RBMS1: variants seen among roughly 807,000 people sequenced by gnomAD.
RBMS1 encodes RNA binding motif single stranded interacting protein 1.
RBMS1 carries 17 observed loss-of-function variants against 62.3 expected under a neutral mutation model. That is an observed-to-expected ratio of 0.27 (90% confidence interval 0.19 to 0.41). The LOEUF is 0.41. RBMS1 is among the 10% of genes least tolerant of loss of function. RBMS1 has a pLI of 1.00. For missense variants in RBMS1, 334 were observed against 504.5 expected, an observed-to-expected ratio of 0.66 and a Z score of 3.24; for synonymous variants, 172 against 170.0, an observed-to-expected ratio of 1.01 and a Z score of -0.09.
intron 3 of RBMS1, 137 bp from the exon 4 acceptor site, chr2:160,313,384 T>C: frequency 4.2e-6 from 3 of 722,238 alleles, no homozygotes; most frequent in Non-Finnish European, 6.7e-6. Flanking sequence ...CGTTAACAGC[T>C]GCAGGCCAGT....
chr2:160,477,714 C>G (rs906112557), intron 1 of RBMS1, among the ~76,000 whole-genome samples: 1 of 152,096 alleles, frequency 6.6e-6, no homozygotes, highest in African/African-American at 2.4e-5. Context: ...AAGAAAATTC[C>G]CTGTATTTCC....
chr2:160,414,220 A>G (rs764306131), intron 1 of RBMS1, among the ~76,000 whole-genome samples: 20 of 152,224 alleles, frequency 1.3e-4, no homozygotes, highest in Non-Finnish European at 1.9e-4. Context: ...ACAGGTATAT[A>G]TATTCAGCCC....
intron 1 of RBMS1, among the ~76,000 whole-genome samples, chr2:160,450,545 A>AAAAAAAT (rs1574075231): frequency 1.8e-5 from 1 of 56,268 alleles, no homozygotes; most frequent in Non-Finnish European, 4.2e-5. Flanking sequence ...CATCTCAAAA[A>AAAAAAAT]AAATAAAAAA....
chr2:160,485,277 C>G (rs1366662912), intron 1 of RBMS1, among the ~76,000 whole-genome samples: 11 of 152,158 alleles, frequency 7.2e-5, no homozygotes, highest in Admixed American at 6.5e-4. Flanking sequence ...CACCTCCCAT[C>G]TTCTTGAAAC....
At chr2:160,443,190 T>G (rs1683485742) in intron 1 of RBMS1, among the ~76,000 whole-genome samples, 2 of 142,498 alleles carry the variant, frequency 1.4e-5, no homozygotes, top group Admixed American at 7.3e-5. Flanking sequence ...TGCGTGACAG[T>G]GAGACCTTGT....
At chr2:160,484,643 G>C (rs1685515326) in intron 1 of RBMS1, among the ~76,000 whole-genome samples, 1 of 151,640 alleles carries the variant, frequency 6.6e-6, no homozygotes, top group Non-Finnish European at 1.5e-5. Context: ...GGCCCGGGGC[G>C]GGCGGATCAC....
chr2:160,374,140 C>A (rs984352981), intron 1 of RBMS1, among the ~76,000 whole-genome samples: 1 of 152,134 alleles, frequency 6.6e-6, no homozygotes, highest in African/African-American at 2.4e-5. Context: ...CGCCTGTAGT[C>A]CCAGCTACTG....
chr2:160,312,533 T>C (rs1283489188), intron 4 of RBMS1, among the ~76,000 whole-genome samples: 1 of 152,170 alleles, frequency 6.6e-6, no homozygotes, highest in Non-Finnish European at 1.5e-5. Context: ...TCATCTAAAA[T>C]ATGCTAAAAG....
intron 1 of RBMS1, among the ~76,000 whole-genome samples, chr2:160,439,953 G>A (rs1421779492): frequency 6.6e-6 from 1 of 152,024 alleles, no homozygotes; most frequent in Non-Finnish European, 1.5e-5. Context: ...CACTCGGCAA[G>A]CTGAGGCAGG....
intron 1 of RBMS1, among the ~76,000 whole-genome samples, chr2:160,408,076 C>G (rs1175360131): frequency 2.0e-5 from 3 of 150,588 alleles, no homozygotes; most frequent in African/African-American, 4.9e-5. Context: ...CCGGGCGGCC[C>G]GGGGAGCAGC....
intron 2 of RBMS1, among the ~76,000 whole-genome samples, chr2:160,320,744 C>A (rs768326142): frequency 3.9e-5 from 6 of 152,100 alleles, no homozygotes; most frequent in Admixed American, 3.3e-4. Flanking sequence ...AGCGCTGATG[C>A]TGTGCTTCTT....
At position 160,493,395 on chromosome 2, in the gene RBMS1, G is replaced by A. The variant is rs1685946165; in HGVS notation, c.-32C>T. ...GGAAGGGAGCCTGCCGTGCAGGGTC[G>A]CGGACACTTTGGGGTTTCCAAGTCT... On this transcript the variant is annotated 5_prime_UTR_variant, in exon 1 of 14. Coordinates refer to ENST00000348849, the MANE Select transcript of RBMS1 (RefSeq NM_016836.4). 1 of 1,605,084 alleles carries A rather than the reference G, an allele frequency of 6.2e-7. No individual in the cohort carries two copies. The highest frequency in any genetic ancestry group is 8.5e-7 in the Non-Finnish European group (1 of 1,172,334).
At chr2:160,382,736 G>A (rs974132951) in intron 1 of RBMS1, among the ~76,000 whole-genome samples, 3 of 152,168 alleles carry the variant, frequency 2.0e-5, no homozygotes, top group Non-Finnish European at 4.4e-5. Context: ...AAGTGTGAGA[G>A]AGTTCGTTAG....
At chr2:160,420,944 A>G (rs1221497534) in intron 1 of RBMS1, among the ~76,000 whole-genome samples, 1 of 152,162 alleles carries the variant, frequency 6.6e-6, no homozygotes, top group African/African-American at 2.4e-5. Context: ...TTTATTTATT[A>G]AAACCCAAGA....
At chr2:160,424,482 T>A (rs1013637997) in intron 1 of RBMS1, among the ~76,000 whole-genome samples, 1 of 152,160 alleles carries the variant, frequency 6.6e-6, no homozygotes. Flanking sequence ...TTTTCTCTCA[T>A]GAGTGAAAAT....
intron 2 of RBMS1, among the ~76,000 whole-genome samples, chr2:160,363,020 G>C (rs1409827715): frequency 6.6e-6 from 1 of 152,172 alleles, no homozygotes; most frequent in Non-Finnish European, 1.5e-5. Context: ...GAAGAAACAA[G>C]AGATACTAAT....
chr2:160,352,164 T>C (rs1692552267), intron 2 of RBMS1, among the ~76,000 whole-genome samples: 1 of 152,134 alleles, frequency 6.6e-6, no homozygotes. Context: ...GGTCCTGGGC[T>C]TAAGAGAAGT....
chr2:160,425,251 C>G (rs1682501400), intron 1 of RBMS1, among the ~76,000 whole-genome samples: 1 of 152,194 alleles, frequency 6.6e-6, no homozygotes. Context: ...TTTCTTACTA[C>G]TATTACAGTG....
intron 2 of RBMS1, among the ~76,000 whole-genome samples, chr2:160,353,693 CTT>C (rs1692643856): frequency 1.3e-5 from 2 of 152,062 alleles, no homozygotes; most frequent in Non-Finnish European, 2.9e-5. Context: ...GATATGGACT[CTT>C]TTCCCAAGCC....
Sources: gnomAD v4.1 joint callset for allele counts (sites outside exome capture counted in the v4.1 genomes callset) on GRCh38, gnomAD v4.1.1 for gene constraint, MANE v1.5 for transcripts, NCBI Gene and HGNC (gene_info 2026-07-23, HGNC 2026-07-21) for gene names.